Variants in DCAF5 observed in about 807,000 individuals in gnomAD.
The protein encoded by DCAF5 is DDB1 and CUL4 associated factor 5.
DCAF5 carries 9 observed loss-of-function variants against 80.7 expected under a neutral mutation model. The ratio of observed to expected loss-of-function variants is 0.11; its 90% CI spans 0.07 to 0.19. The LOEUF is 0.19. Among genes scored for constraint, DCAF5 ranks in the 10% least tolerant of loss-of-function variants. The probability of loss-of-function intolerance (pLI) is 1.00; values close to 1 mark genes in which losing one functional copy is unlikely to be tolerated. For synonymous variants in DCAF5, 433 were observed against 461.9 expected, an observed-to-expected ratio of 0.94 and a Z score of 0.80; for missense variants, 842 against 1,205.7, an observed-to-expected ratio of 0.70 and a Z score of 4.47.
intron 6 of DCAF5, chr14:69,084,756 A>G (rs2039252717): frequency 2.6e-6 from 3 of 1,161,544 alleles, no homozygotes; most frequent in Admixed American, 2.0e-5. Flanking sequence ...GGAAAGCAAA[A>G]GCAAAATAAG....
At position 69,098,043 on chromosome 14, in the gene DCAF5, T is replaced by C. The variant is rs535856101; in HGVS notation, c.666-6156A>G. 1.6e-4 allele frequency among the ~76,000 whole-genome samples: 25 copies of C among 152,236 alleles called. No homozygotes were observed. In the East Asian group the frequency reaches 4.0e-3, roughly 25 times the overall value. ...CTGAAAACCCTCCAGCGGCTCCCCA[T>C]TTCAACTAGAGTAAAAACCAAATTC... On this transcript the variant is annotated intron_variant, in intron 5 of 8. Coordinates refer to ENST00000341516, the MANE Select transcript of DCAF5 (RefSeq NM_003861.3).
intron 5 of DCAF5, among the ~76,000 whole-genome samples, chr14:69,101,760 T>A (rs2039959848): frequency 6.6e-6 from 1 of 152,188 alleles, no homozygotes; most frequent in Non-Finnish European, 1.5e-5. Flanking sequence ...GCTACAAACC[T>A]GTACAGCATG....
chr14:69,122,704 T>C (rs2040758635), intron 1 of DCAF5, among the ~76,000 whole-genome samples: 1 of 152,224 alleles, frequency 6.6e-6, no homozygotes, highest in South Asian at 2.1e-4. Context: ...AAGTCCTTTT[T>C]TGTTTGTTTG....
chr14:69,080,060 A>G (rs2039043786), intron 6 of DCAF5, among the ~76,000 whole-genome samples: 1 of 152,152 alleles, frequency 6.6e-6, no homozygotes, highest in Admixed American at 6.5e-5. Flanking sequence ...ATTCCAGGAG[A>G]GCAGACAGAG....
intron 1 of DCAF5, among the ~76,000 whole-genome samples, chr14:69,129,514 G>A (rs2040976435): frequency 1.3e-5 from 2 of 152,232 alleles, no homozygotes; most frequent in Admixed American, 1.3e-4. Context: ...GGTGAAGCAA[G>A]GGAAAGTCAG....
At chr14:69,082,188 A>G (rs894794322) in intron 6 of DCAF5, among the ~76,000 whole-genome samples, 1 of 152,254 alleles carries the variant, frequency 6.6e-6, no homozygotes, top group African/African-American at 2.4e-5. Flanking sequence ...ATTTATAACC[A>G]GTGCTTGCCA....
At chr14:69,086,248 C>T (rs2039315827) in intron 6 of DCAF5, among the ~76,000 whole-genome samples, 1 of 152,136 alleles carries the variant, frequency 6.6e-6, no homozygotes, top group East Asian at 1.9e-4. Context: ...ATTCCAGCTA[C>T]TCCGGAGGCT....
At chr14:69,144,008 T>C (rs10147369) in intron 1 of DCAF5, 57,523 of 152,050 alleles carry the variant, frequency 0.38, 12,088 homozygotes, top group East Asian at 0.91. Flanking sequence ...CACTAATGCA[T>C]TGCCTGTTCT....
chr14:69,119,094 T>G, intron 3 of DCAF5, 100 bp downstream of exon 3: 1 of 1,235,364 alleles, frequency 8.1e-7, no homozygotes, highest in South Asian at 1.7e-5. Flanking sequence ...TCATGTTGTT[T>G]TTTTCAAAAA....
chr14:69,140,644 A>G (rs969595506), intron 1 of DCAF5, among the ~76,000 whole-genome samples: 14 of 152,348 alleles, frequency 9.2e-5, no homozygotes, highest in Admixed American at 3.9e-4. Context: ...AAAACAAAAA[A>G]AAGTACAAGT....
intron 7 of DCAF5, among the ~76,000 whole-genome samples, chr14:69,064,780 T>C (rs2038366540): frequency 6.6e-6 from 1 of 152,230 alleles, no homozygotes; most frequent in Non-Finnish European, 1.5e-5. Flanking sequence ...GAACTGGATC[T>C]GTCTTACCTA....
chr14:69,107,217 A>T (rs1190481892), intron 5 of DCAF5, among the ~76,000 whole-genome samples: 4 of 152,150 alleles, frequency 2.6e-5, no homozygotes, highest in African/African-American at 9.7e-5. Flanking sequence ...TCTGGTCTGA[A>T]GCGACGTCTC....
chr14:69,110,478 C>T (rs2040323692), intron 5 of DCAF5, among the ~76,000 whole-genome samples: 1 of 151,946 alleles, frequency 6.6e-6, no homozygotes, highest in African/African-American at 2.4e-5. Context: ...CCATGTTGGC[C>T]AGGCTGGTCT....
chr14:69,073,493 G>T (rs187372504), intron 7 of DCAF5, among the ~76,000 whole-genome samples: 10 of 152,126 alleles, frequency 6.6e-5, no homozygotes, highest in Admixed American at 4.6e-4. Flanking sequence ...AATCAGTAAA[G>T]AAAGCAGCAG....
intron 7 of DCAF5, among the ~76,000 whole-genome samples, chr14:69,063,260 G>A (rs972599345): frequency 6.6e-6 from 1 of 152,198 alleles, no homozygotes; most frequent in African/African-American, 2.4e-5. Context: ...CAGTGAATGA[G>A]AAAAGTGCCA....
In DCAF5 at chr14:69,091,797, C is replaced by T. The variant is rs2039541106; in HGVS notation, c.756G>A (p.Arg252=). 1.2e-6 allele frequency: 2 copies of T among 1,614,008 alleles called. No individual in the cohort carries two copies. The highest frequency in any genetic ancestry group is 1.3e-5 in the African/African-American group (1 of 74,912). Residue 252 remains arginine (R), a synonymous_variant, in exon 6 of 9, where the codon AGG becomes AGA. Transcript: ENST00000341516. ...CATAGAGCACAGGGGGCAGGCGTCG[C>T]CTCAGGGCCAGGAGCTGGGTCCCGT... ...NSNGTQLLAL[R]RRLPPVLYDI...
chr14:69,144,936 T>C (rs984156894), intron 1 of DCAF5, among the ~76,000 whole-genome samples: 2 of 152,176 alleles, frequency 1.3e-5, no homozygotes, highest in African/African-American at 2.4e-5. Flanking sequence ...TGAAAATCCT[T>C]CCATTTCTCC....
chr14:69,077,815 C>T (rs182559416), intron 6 of DCAF5, among the ~76,000 whole-genome samples: 3 of 152,256 alleles, frequency 2.0e-5, no homozygotes, highest in Admixed American at 6.5e-5. Flanking sequence ...AATCAATTTC[C>T]TAGCCTTCAA....
At chr14:69,072,154 T>C (rs1035779309) in intron 7 of DCAF5, among the ~76,000 whole-genome samples, 4 of 152,150 alleles carry the variant, frequency 2.6e-5, no homozygotes, top group Non-Finnish European at 5.9e-5. Context: ...AAATACTCTC[T>C]AGGTAGGAGA....
Sources: allele counts gnomAD v4.1 joint callset (sites outside exome capture counted in the v4.1 genomes callset), GRCh38; gene constraint gnomAD v4.1.1; transcripts MANE v1.5; gene names NCBI Gene and HGNC (gene_info 2026-07-23, HGNC 2026-07-21).